SAMSN1: variants seen among roughly 807,000 people sequenced by gnomAD.
The protein encoded by SAMSN1 is SAM domain, SH3 domain and nuclear localization signals 1.
Under a neutral mutation model 42.0 loss-of-function variants are expected in SAMSN1, and 31 were observed. That is an observed-to-expected ratio of 0.74 (90% CI 0.55 to 1.00). The LOEUF is 1.00. Ranked by LOEUF, SAMSN1 falls within the 50% of genes least tolerant of loss-of-function variation. The pLI, the probability that SAMSN1 is intolerant of heterozygous loss-of-function variation, is 0.00. For synonymous variants in SAMSN1, 178 were observed against 151.9 expected, an observed-to-expected ratio of 1.17 and a Z score of -1.26; for missense variants, 464 against 439.4, an observed-to-expected ratio of 1.06 and a Z score of -0.50.
At chr21:14,602,178 A>C in intron 5 of SAMSN1, 1 of 433,060 alleles carries the variant, frequency 2.3e-6, no homozygotes, top group East Asian at 3.3e-5. Context: ...TTTAACACTC[A>C]TGTTTTTATT....
chr21:14,610,138 C>T (rs749757907), intron 4 of SAMSN1, among the ~76,000 whole-genome samples: 8 of 151,956 alleles, frequency 5.3e-5, no homozygotes, highest in East Asian at 1.9e-4. Context: ...GCCTGTGGGC[C>T]GGGCATGATG....
chr21:14,522,755 A>C (rs1978576625), intron 1 of SAMSN1, among the ~76,000 whole-genome samples: 1 of 152,250 alleles, frequency 6.6e-6, no homozygotes, highest in African/African-American at 2.4e-5. Context: ...TATTTAAGAA[A>C]AATTAATTTA....
chr21:14,487,980 T>A (rs868011490), intron 7 of SAMSN1, among the ~76,000 whole-genome samples: 2 of 152,200 alleles, frequency 1.3e-5, no homozygotes, highest in Middle Eastern at 3.4e-3. Flanking sequence ...TATCAGTCAT[T>A]CACTCTTCTT....
In SAMSN1 at chr21:14,568,383, G is replaced by C. The variant is rs371673322; in HGVS notation, c.261+13753C>G. On this transcript the variant is annotated intron_variant, in intron 2 of 8. Transcript: ENST00000285670. ...GTATGACAGCCAAGTGTGGAAAGGCGACTGGAAAAACACCACATATTATTT... is the reference window on the plus strand; with the variant it reads ...GTATGACAGCCAAGTGTGGAAAGGCCACTGGAAAAACACCACATATTATTT... Among the ~76,000 whole-genome samples, 5 of 152,210 alleles carry C rather than the reference G, an allele frequency of 3.3e-5. No individual in the cohort carries two copies. In the East Asian group the frequency reaches 9.6e-4, roughly 29 times the overall value.
intron 2 of SAMSN1, among the ~76,000 whole-genome samples, chr21:14,566,474 TA>T (rs1471447370): frequency 6.6e-6 from 1 of 152,128 alleles, no homozygotes; most frequent in Non-Finnish European, 1.5e-5. Flanking sequence ...TACTGCATTT[TA>T]CAAAGGTAAA....
intron 6 of SAMSN1, among the ~76,000 whole-genome samples, chr21:14,596,215 C>T (rs954895468): frequency 3.3e-5 from 5 of 151,776 alleles, no homozygotes; most frequent in Non-Finnish European, 5.9e-5. Flanking sequence ...ATTTGCATTC[C>T]ATTTTAATAA....
At chr21:14,497,648 A>G (rs1221539725) in intron 7 of SAMSN1, among the ~76,000 whole-genome samples, 2 of 152,172 alleles carry the variant, frequency 1.3e-5, no homozygotes, top group Non-Finnish European at 2.9e-5. Context: ...TTTTTGATAG[A>G]GAAGGCTGGA....
At chr21:14,628,152 G>A (rs368242688) in intron 2 of SAMSN1, among the ~76,000 whole-genome samples, 3 of 152,142 alleles carry the variant, frequency 2.0e-5, no homozygotes, top group Admixed American at 2.0e-4. Context: ...AATGGGATAG[G>A]AGATTAAAAT....
At chr21:14,620,215 C>G (rs988924084) in intron 2 of SAMSN1, among the ~76,000 whole-genome samples, 1 of 152,070 alleles carries the variant, frequency 6.6e-6, no homozygotes, top group Non-Finnish European at 1.5e-5. Context: ...CTTTGTGTCC[C>G]CACCCAAATC....
Position 14,626,887 on chromosome 21 carries a change from T to A in SAMSN1, c.157-10871A>T, listed in dbSNP as rs910723708. On this transcript the variant is annotated intron_variant, in intron 2 of 15. Coordinates refer to the SAMSN1 transcript ENST00000647101. ...GACTTGGAACCAACCCAAATGTCCATCAATGATAGACTGGATTAAGAAAAT... is the reference window on the plus strand; with the variant it reads ...GACTTGGAACCAACCCAAATGTCCAACAATGATAGACTGGATTAAGAAAAT... 4.6e-5 allele frequency among the ~76,000 whole-genome samples: 7 copies of A among 152,214 alleles called. No homozygotes were observed. In the South Asian group the frequency reaches 1.0e-3, roughly 23 times the overall value.
At chr21:14,557,938 T>C (rs567514993) in intron 2 of SAMSN1, among the ~76,000 whole-genome samples, 38 of 152,304 alleles carry the variant, frequency 2.5e-4, no homozygotes, top group African/African-American at 8.4e-4. Context: ...AGGCCACCTG[T>C]CCGTGGAGGT....
At chr21:14,581,113 T>A (rs1469235121) in intron 2 of SAMSN1, among the ~76,000 whole-genome samples, 1 of 151,924 alleles carries the variant, frequency 6.6e-6, no homozygotes, top group African/African-American at 2.4e-5. Context: ...TCCAAATTTG[T>A]TTGACTCCAG....
chr21:14,648,756 A>G (rs989211672), intron 1 of SAMSN1, among the ~76,000 whole-genome samples: 1 of 151,920 alleles, frequency 6.6e-6, no homozygotes, highest in African/African-American at 2.4e-5. Flanking sequence ...CGATCATTAA[A>G]AAGTCAGGAA....
At chr21:14,543,769 T>TA (rs57096051) in intron 1 of SAMSN1, among the ~76,000 whole-genome samples, 186 of 151,628 alleles carry the variant, frequency 1.2e-3, no homozygotes, top group African/African-American at 3.8e-3. Context: ...ATTTACAATT[T>TA]AAAAAAAAAC....
intron 2 of SAMSN1, among the ~76,000 whole-genome samples, chr21:14,562,473 T>A (rs1453679431): frequency 6.6e-6 from 1 of 151,624 alleles, no homozygotes; most frequent in Non-Finnish European, 1.5e-5. Flanking sequence ...CCAGGTCCCC[T>A]TATTTAGTGA....
At chr21:14,537,904 TGCTCTATAGGACCACAGTG>T (rs997400873) in intron 1 of SAMSN1, among the ~76,000 whole-genome samples, 1 of 152,240 alleles carries the variant, frequency 6.6e-6, no homozygotes, top group African/African-American at 2.4e-5. Flanking sequence ...CCCGTGCTGT[TGCTCTATAGGACCACAGTG>T]AGTAGCAAGT....
chr21:14,612,476 T>C, intron 4 of SAMSN1: 1 of 304,194 alleles, frequency 3.3e-6, no homozygotes, highest in African/African-American at 2.2e-5. Context: ...GTGTGTGAAA[T>C]GTTGTAGAAG....
At chr21:14,508,542 A>G (rs1987530765) in intron 5 of SAMSN1, among the ~76,000 whole-genome samples, 1 of 152,208 alleles carries the variant, frequency 6.6e-6, no homozygotes, top group Non-Finnish European at 1.5e-5. Flanking sequence ...CCACAATCAA[A>G]AAATTAAAAA....
At chr21:14,599,644 G>A (rs1047221153) in intron 6 of SAMSN1, among the ~76,000 whole-genome samples, 5 of 152,018 alleles carry the variant, frequency 3.3e-5, no homozygotes, top group Non-Finnish European at 5.9e-5. Context: ...TCCTGCGAGA[G>A]CCAGTTGTTT....
Sources: allele counts gnomAD v4.1 joint callset (sites outside exome capture counted in the v4.1 genomes callset), GRCh38; gene constraint gnomAD v4.1.1; transcripts MANE v1.5; gene names NCBI Gene and HGNC (gene_info 2026-07-23, HGNC 2026-07-21).